SYNE1: variants seen among roughly 807,000 people sequenced by gnomAD.
The protein encoded by SYNE1 is nesprin-1.
In SYNE1, 616 loss-of-function variants were observed where a neutral mutation model predicts 1,111.0. The observed-to-expected ratio is 0.55, with a 90% CI of 0.52 to 0.59. The LOEUF (loss-of-function observed/expected upper bound fraction) is 0.59, where lower values mean the gene tolerates loss of function less well. Among genes scored for constraint, SYNE1 ranks in the 20% least tolerant of loss-of-function variants. SYNE1 has a pLI of 0.00. For synonymous variants in SYNE1, 3,855 were observed against 3,825.8 expected, an observed-to-expected ratio of 1.01 and a Z score of -0.28; for missense variants, 10,006 against 10,417.0, an observed-to-expected ratio of 0.96 and a Z score of 1.72.
intron 3 of SYNE1, among the ~76,000 whole-genome samples, chr6:152,603,870 T>C (rs1273065374): frequency 7.3e-6 from 1 of 136,430 alleles, no homozygotes; most frequent in South Asian, 2.3e-4. Context: ...TAGATAGATA[T>C]ACTATCTATC....
At chr6:152,196,068 C>G (rs183338677) in intron 127 of SYNE1, among the ~76,000 whole-genome samples, 1 of 152,304 alleles carries the variant, frequency 6.6e-6, no homozygotes, top group East Asian at 1.9e-4. Context: ...ACAACAGAAC[C>G]GTGGGGAATA....
intron 82 of SYNE1, among the ~76,000 whole-genome samples, chr6:152,322,989 C>T (rs1590048052): frequency 1.3e-5 from 2 of 152,138 alleles, no homozygotes; most frequent in South Asian, 2.1e-4. Flanking sequence ...GGTTCACCAT[C>T]GTATCTCTAA....
intron 5 of SYNE1, among the ~76,000 whole-genome samples, chr6:152,522,599 T>C (rs755456037): frequency 1.8e-4 from 27 of 152,320 alleles, no homozygotes; most frequent in South Asian, 1.2e-3. Flanking sequence ...TATCAAATGG[T>C]AGATCTACTT....
intron 3 of SYNE1, among the ~76,000 whole-genome samples, chr6:152,598,429 C>A (rs1431060132): frequency 6.6e-6 from 1 of 152,186 alleles, no homozygotes; most frequent in Non-Finnish European, 1.5e-5. Context: ...ATGTCTTTAT[C>A]AGCAGTGTGA....
chr6:152,311,922 C>A (rs1411917889), intron 87 of SYNE1, among the ~76,000 whole-genome samples: 1 of 151,924 alleles, frequency 6.6e-6, no homozygotes, highest in Non-Finnish European at 1.5e-5. Context: ...ACTACACGCA[C>A]CCAGGTGCCC....
At chr6:152,339,101 C>T in intron 75 of SYNE1, 140 bp downstream of exon 75, 1 of 1,139,166 alleles carries the variant, frequency 8.8e-7, no homozygotes, top group East Asian at 2.7e-5. Flanking sequence ...ATTCAAATAT[C>T]TATTTATTAT....
At chr6:152,385,976 A>G in intron 54 of SYNE1, 138 bp from the exon 55 acceptor site, 1 of 781,346 alleles carries the variant, frequency 1.3e-6, no homozygotes, top group Admixed American at 2.5e-5. Flanking sequence ...TCTGAGTTTA[A>G]TATCTTAAGA....
At position 152,411,731 on chromosome 6, in the gene SYNE1, C is replaced by CCA. The variant is rs1554649309; in HGVS notation, c.6230+1619_6230+1620dup. Among the ~76,000 whole-genome samples, 48 of 149,582 alleles carry CCA rather than the reference C, an allele frequency of 3.2e-4. 1 individual carries two copies. In the Middle Eastern group the frequency reaches 0.014, roughly 42 times the overall value. ...AAGTCACACACACACACACACACCCCCACACACACACACACAGAGATGGCT... is the reference window on the plus strand; with the variant it reads ...AAGTCACACACACACACACACACCCCCACACACACACACACACAGAGATGGCT... On this transcript the variant is annotated intron_variant, in intron 42 of 145. Coordinates refer to ENST00000367255, the MANE Select transcript of SYNE1 (RefSeq NM_182961.4).
Position 152,318,084 on chromosome 6 carries a change from A to C in SYNE1, c.16569T>G (p.Asn5523Lys). ...ATTTCTGGCCCGGAACACATACCTG[A>C]TTGAGCTTGGAGAGCCGATTCTCAG... is the stretch of plus-strand genomic sequence containing the variant. The part of the protein sequence containing the change: ...RQAENRLSKL[N>K]QAASHLEEYN... The change falls in exon 86 of 146, where the codon AAT becomes AAG. Residue 5523 changes from asparagine to lysine, a missense_variant. Asn to Lys is a moderately conservative substitution (Grantham distance 94, BLOSUM62 0). Around this residue, in one of 7 missense-constraint regions of SYNE1, gnomAD observed 4,955 missense variants for 5,017.2 expected, o/e 0.99. Coordinates refer to ENST00000367255, the MANE Select transcript of SYNE1 (RefSeq NM_182961.4). 1 of 1,614,196 alleles carries C rather than the reference A, an allele frequency of 6.2e-7. No individual in the cohort carries two copies. The highest frequency in any genetic ancestry group is 8.5e-7 in the Non-Finnish European group (1 of 1,180,038).
At chr6:152,481,926 C>A (rs79424049) in intron 14 of SYNE1, among the ~76,000 whole-genome samples, 75 of 151,910 alleles carry the variant, frequency 4.9e-4, no homozygotes, top group African/African-American at 1.8e-3. Context: ...ATGCTTGCAT[C>A]TGAGAAGCCA....
chr6:152,122,123 A>G lies in SYNE1; in HGVS notation c.*313T>C. The G allele has an allele frequency of 2.4e-6, 1 of 411,504 alleles. No homozygotes were observed. The highest frequency in any genetic ancestry group is 7.8e-4 in the Middle Eastern group (1 of 1,290). 25.5% of individuals were successfully genotyped at this position (411,504 alleles called of 1,614,324 possible). ...TCTACTGAAGTCCTTGGCTGTGCACAGAATGGGCCAAGGGCCCAGAATTCA... is the reference window on the plus strand; with the variant it reads ...TCTACTGAAGTCCTTGGCTGTGCACGGAATGGGCCAAGGGCCCAGAATTCA... On this transcript the variant is annotated 3_prime_UTR_variant, in exon 146 of 146. Transcript: ENST00000367255.
intron 35 of SYNE1, 32 bp from the exon 36 acceptor site, chr6:152,430,242 T>C: frequency 6.5e-7 from 1 of 1,536,230 alleles, no homozygotes; most frequent in Non-Finnish European, 8.9e-7. Context: ...AAAATAACAG[T>C]GGGAAAGATA....
chr6:152,212,163 A>G (rs1242546575), intron 123 of SYNE1, among the ~76,000 whole-genome samples: 1 of 152,164 alleles, frequency 6.6e-6, no homozygotes, highest in African/African-American at 2.4e-5. Context: ...CTCATTTAAA[A>G]TGTTCAATTT....
chr6:152,461,342 G>A (rs186506529), intron 21 of SYNE1, among the ~76,000 whole-genome samples: 3 of 151,808 alleles, frequency 2.0e-5, no homozygotes, highest in East Asian at 1.9e-4. Flanking sequence ...ACATGTAACC[G>A]TTCCCCAAAA....
intron 4 of SYNE1, among the ~76,000 whole-genome samples, chr6:152,530,000 A>G (rs527403820): frequency 4.6e-5 from 7 of 152,334 alleles, no homozygotes; most frequent in African/African-American, 1.7e-4. Context: ...CCAAGGCCCC[A>G]GGACAAACAA....
chr6:152,430,027 A>T, intron 36 of SYNE1, 85 bp downstream of exon 36: 1 of 938,044 alleles, frequency 1.1e-6, no homozygotes, highest in Non-Finnish European at 1.7e-6. Context: ...CAATTCTCTT[A>T]AAAAGTTTAC....
chr6:152,255,653 G>C lies in SYNE1; in HGVS notation c.19198C>G (p.Arg6400Gly), dbSNP rs770043769. 6.2e-7 allele frequency: 1 copy of C among 1,614,048 alleles called. No individual in the cohort carries two copies. Among genetic ancestry groups the C allele is most frequent in the Non-Finnish European group, 8.5e-7 (1 of 1,180,030 alleles). ...TSTWLDDVEERLFVATALLPE... is the reference protein window; with the variant it reads ...TSTWLDDVEEGLFVATALLPE... ...AAAAGTGCTGTGGCAACAAATAAAC[G>C]TTCTTCAACGTCATCCAACCAAGTA... Residue 6400 changes from arginine (R) to glycine (G), a missense_variant, in exon 103 of 146, where the codon CGT (arginine) becomes GGT (glycine). Arg to Gly is a moderately radical substitution (Grantham distance 125). Coordinates refer to ENST00000367255, the MANE Select transcript of SYNE1 (RefSeq NM_182961.4).
Position 152,593,932 on chromosome 6 carries a change from C to T in SYNE1, c.67+34333G>A, listed in dbSNP as rs532764107. Among the ~76,000 whole-genome samples the T allele has an allele frequency of 2.0e-5, 3 of 152,256 alleles. No individual in the cohort carries two copies. The East Asian group carries it at 5.8e-4, about 29-fold the overall frequency. Reference sequence around the variant, plus strand: ...ACAAGAGCTCTTTAATCACTAAGGTCTGGAAAAAACCATAGTGAGCAGAAC... The same window carrying T: ...ACAAGAGCTCTTTAATCACTAAGGTTTGGAAAAAACCATAGTGAGCAGAAC... On this transcript the variant is annotated intron_variant, in intron 3 of 145. Coordinates refer to ENST00000367255, the MANE Select transcript of SYNE1 (RefSeq NM_182961.4).
intron 4 of SYNE1, among the ~76,000 whole-genome samples, chr6:152,533,192 C>G (rs567308570): frequency 1.3e-5 from 2 of 152,064 alleles, no homozygotes; most frequent in East Asian, 3.9e-4. Context: ...TTTGTAACAG[C>G]ACTGTTGTGA....
Sources: allele counts gnomAD v4.1 joint callset (sites outside exome capture counted in the v4.1 genomes callset), GRCh38; gene constraint gnomAD v4.1.1; regional missense constraint gnomAD v4.1.1; transcripts MANE v1.5; gene names NCBI Gene and HGNC (gene_info 2026-07-23, HGNC 2026-07-21).